The following ABCA9 variants were observed in gnomAD, a reference collection of about 807,000 sequenced individuals.
ABCA9 encodes ATP binding cassette subfamily A member 9, also known as ATP-binding cassette sub-family A member 9.
A neutral mutation model predicts 205.3 loss-of-function variants in ABCA9; 183 were observed. The observed-to-expected ratio is 0.89, with a 90% CI of 0.79 to 1.01. The LOEUF is 1.01. Among genes scored for constraint, ABCA9 ranks in the 50% least tolerant of loss-of-function variants. The probability of loss-of-function intolerance (pLI) is 0.00; values close to 1 mark genes in which losing one functional copy is unlikely to be tolerated. For missense variants in ABCA9, 1,805 were observed against 1,912.4 expected (o/e 0.94, Z 1.05); for synonymous variants, 651 against 683.3 (o/e 0.95, Z 0.74).
At chr17:69,044,360 GT>G in intron 5 of ABCA9, 136 bp downstream of exon 5, 1 of 724,004 alleles carries the variant, frequency 1.4e-6, no homozygotes. Context: ...TAGTACAATG[GT>G]TTTATTATGG....
At chr17:69,059,154 T>C (rs889390523) in intron 1 of ABCA9, among the ~76,000 whole-genome samples, 3 of 152,060 alleles carry the variant, frequency 2.0e-5, no homozygotes, top group Admixed American at 2.0e-4. Context: ...CAAGATGAGA[T>C]TGGAGTGGGG....
chr17:68,983,645 C>A, intron 36 of ABCA9, 64 bp downstream of exon 36: 1 of 1,585,396 alleles, frequency 6.3e-7, no homozygotes, highest in South Asian at 1.1e-5. Context: ...CTTATTCCGT[C>A]ATCATAGCAG....
chr17:69,000,973 A>G (rs1332421067), intron 25 of ABCA9, among the ~76,000 whole-genome samples: 2 of 151,602 alleles, frequency 1.3e-5, no homozygotes, highest in African/African-American at 4.9e-5. Flanking sequence ...TTAATTTTGT[A>G]TCCTGAGACT....
intron 37 of ABCA9, among the ~76,000 whole-genome samples, chr17:68,976,550 TG>T (rs2068898192): frequency 6.6e-6 from 1 of 152,230 alleles, no homozygotes; most frequent in Non-Finnish European, 1.5e-5. Context: ...AGATGTCTTC[TG>T]GTGGACATCA....
chr17:69,011,523 G>T (rs1034096658), intron 23 of ABCA9, among the ~76,000 whole-genome samples: 1 of 152,100 alleles, frequency 6.6e-6, no homozygotes, highest in Non-Finnish European at 1.5e-5. Flanking sequence ...TCTGTTACAG[G>T]CTCCTCGAAT....
Position 68,976,223 on chromosome 17 carries a change from AT to A in ABCA9, c.4721-34del, listed in dbSNP as rs369471537. On this transcript the variant is annotated intron_variant, in intron 37 of 38. Transcript: ENST00000340001. ...AGAATGAGCATACATTAGGAATTCT[AT>A]TTTTTTTTTCAGTGAGTTTTACCAA... is the stretch of plus-strand genomic sequence containing the variant. 2,478 of 1,448,776 alleles carry A rather than the reference AT, an allele frequency of 1.7e-3. 6 individuals carry two copies. The highest frequency in any genetic ancestry group is 0.014 in the African/African-American group (984 of 70,896). 89.7% of individuals were successfully genotyped at this position (1,448,776 alleles called of 1,614,324 possible). A position where few individuals can be genotyped will look rare whatever the true frequency, so the allele number is the denominator to read the frequency against.
chr17:69,036,870 G>GAAAAAAAA (rs1567963217), intron 6 of ABCA9, among the ~76,000 whole-genome samples: 1 of 2,488 alleles, frequency 4.0e-4, no homozygotes, highest in Admixed American at 5.3e-3. Flanking sequence ...TAAATGGAAA[G>GAAAAAAAA]CAAAAAAAAA....
chr17:69,016,131 C>A, intron 22 of ABCA9, 122 bp downstream of exon 22: 1 of 481,166 alleles, frequency 2.1e-6, no homozygotes. Context: ...TATACACACA[C>A]ACACACACAC....
At chr17:69,071,133 C>T in the ABCA9 span, among the ~76,000 whole-genome samples, 6 of 152,336 alleles carry the variant, frequency 3.9e-5, no homozygotes, top group South Asian at 2.1e-4. Flanking sequence ...TGGGACAGAG[C>T]ACCTGGGAGA....
intron 31 of ABCA9, 124 bp downstream of exon 31, chr17:68,988,903 C>A: frequency 3.4e-6 from 2 of 583,884 alleles, no homozygotes; most frequent in African/African-American, 1.8e-5. Context: ...AATTTTTAAT[C>A]AATCTTCTTT....
At chr17:69,009,189 T>G (rs141808062) in intron 23 of ABCA9, among the ~76,000 whole-genome samples, 2 of 152,172 alleles carry the variant, frequency 1.3e-5, no homozygotes, top group Admixed American at 6.5e-5. Context: ...CAAATAAATA[T>G]AGTGATAGCT....
Position 69,004,825 on chromosome 17 carries a change from T to C in ABCA9, c.3435+2934A>G, listed in dbSNP as rs140088371. 978 of 157,224 alleles carry C rather than the reference T, an allele frequency of 6.2e-3. 14 individuals carry two copies. Among genetic ancestry groups the C allele is most frequent in the African/African-American group, 0.023 (943 of 41,316 alleles). 9.7% of individuals were successfully genotyped at this position (157,224 alleles called of 1,614,324 possible). A position where few individuals can be genotyped will look rare whatever the true frequency, so the allele number is the denominator to read the frequency against. On this transcript the variant is annotated intron_variant, in intron 25 of 38. Transcript: ENST00000340001. ...GATATAATCTCGTGGTGCGCCGTTT[T>C]TTAAGCCCGTCGGAAAAGTGCAGTA... is the stretch of plus-strand genomic sequence containing the variant.
intron 19 of ABCA9, among the ~76,000 whole-genome samples, chr17:69,019,444 A>G (rs1452612110): frequency 2.0e-5 from 3 of 152,066 alleles, no homozygotes; most frequent in African/African-American, 7.2e-5. Flanking sequence ...ATGTATCCCC[A>G]TATTCAGTAC....
intron 37 of ABCA9, among the ~76,000 whole-genome samples, chr17:68,980,318 T>C (rs986507849): frequency 1.4e-4 from 22 of 152,026 alleles, no homozygotes; most frequent in South Asian, 6.2e-4. Context: ...GAAACAGGAA[T>C]ACTTTTACAC....
intron 23 of ABCA9, among the ~76,000 whole-genome samples, chr17:69,010,349 G>T (rs1361831964): frequency 6.6e-6 from 1 of 152,092 alleles, no homozygotes; most frequent in East Asian, 1.9e-4. Flanking sequence ...AAAGCCAGCT[G>T]TAGAAAGAAC....
chr17:69,045,263 C>T lies in ABCA9; in HGVS notation c.378G>A (p.Val126=), dbSNP rs771422925. 6.2e-7 allele frequency: 1 copy of T among 1,613,160 alleles called. No homozygotes were observed. Among genetic ancestry groups the T allele is most frequent in the Non-Finnish European group, 8.5e-7 (1 of 1,179,552 alleles). Residue 126 remains valine (V), a synonymous_variant, in exon 4 of 39, where the codon GTG becomes GTA. Coordinates refer to ENST00000340001, the MANE Select transcript of ABCA9 (RefSeq NM_080283.4). ...ELDLNYSIDA[V]RVIFTDTFSY... is the part of the protein sequence containing the mutation. ...AGAAGGTATCAGTAAAGATGACTCT[C>T]ACTGCGTCTATTGAATAGTTCAAAT...
rs904790538 is a variant in ABCA9, at chr17:69,049,180, C to T, written c.304+103G>A. ...AATATACGTTAATGTTGTTAATAAACTCTAGAAACTTGAACATTCAACATA... is the reference window on the plus strand; with the variant it reads ...AATATACGTTAATGTTGTTAATAAATTCTAGAAACTTGAACATTCAACATA... On this transcript the variant is annotated intron_variant, in intron 3 of 38. Coordinates refer to ENST00000340001, the MANE Select transcript of ABCA9 (RefSeq NM_080283.4). 7.9e-6 allele frequency: 10 copies of T among 1,261,912 alleles called. No individual in the cohort carries two copies. The Admixed American group carries it at 2.5e-4, about 32-fold the overall frequency. 78.2% of individuals were successfully genotyped at this position (1,261,912 alleles called of 1,614,324 possible).
the ABCA9 span, among the ~76,000 whole-genome samples, chr17:69,069,356 G>C: frequency 6.6e-6 from 1 of 152,124 alleles, no homozygotes; most frequent in African/African-American, 2.4e-5. Flanking sequence ...GCAGCCGGGG[G>C]AGACATTCCT....
chr17:69,051,041 T>C lies in ABCA9; in HGVS notation c.86A>G (p.Gln29Arg). 6.2e-7 allele frequency: 1 copy of C among 1,613,648 alleles called. No homozygotes were observed. The highest frequency in any genetic ancestry group is 1.1e-5 in the South Asian group (1 of 91,044). The part of the protein sequence containing the change: ...NCLKKWRMKR[Q>R]TLLEWLFSFL... ...GACTCTGAAGCATACCAACAAGGTC[T>C]GTCTTTTCATTCTCCATTTTTTGAG... Residue 29 changes from glutamine (Q) to arginine (R), a missense_variant, in exon 2 of 39, where the codon CAG (glutamine) becomes CGG (arginine). Physicochemically the swap from Gln to Arg is conservative, Grantham distance 43. Coordinates refer to ENST00000340001, the MANE Select transcript of ABCA9 (RefSeq NM_080283.4).
Sources: gnomAD v4.1 joint callset for allele counts (sites outside exome capture counted in the v4.1 genomes callset) on GRCh38, gnomAD v4.1.1 for gene constraint, MANE v1.5 for transcripts, NCBI Gene and HGNC (gene_info 2026-07-23, HGNC 2026-07-21) for gene names.